Variants in SCYL2 observed in about 807,000 individuals in gnomAD.
The protein encoded by SCYL2 is SCY1 like pseudokinase 2.
Under a neutral mutation model 100.4 loss-of-function variants are expected in SCYL2, and 36 were observed. That is an observed-to-expected ratio of 0.36 (90% CI 0.27 to 0.47). The LOEUF is 0.47. Ranked by LOEUF, SCYL2 falls within the 20% of genes least tolerant of loss-of-function variation. The pLI, the probability that SCYL2 is intolerant of heterozygous loss-of-function variation, is 1.00. For synonymous variants in SCYL2, 330 were observed against 359.2 expected (o/e 0.92, Z 0.92); for missense variants, 902 against 1,083.9 (o/e 0.83, Z 2.36).
Position 100,312,573 on chromosome 12 carries a change from G to A in SCYL2, c.772G>A (p.Ala258Thr). ...GTATTCTTTAGGAACTGTTATGTAT[G>A]CTGTATTTAATAAAGGGAAACCTAT... The part of the protein sequence containing the change: ...DMYSLGTVMY[A>T]VFNKGKPIFE... Residue 258 changes from alanine (A) to threonine (T), a missense_variant, in exon 6 of 18, where the codon GCT becomes ACT. Transcript: ENST00000360820. 3.1e-6 allele frequency: 5 copies of A among 1,612,840 alleles called. No individual in the cohort carries two copies. The highest frequency in any genetic ancestry group is 4.2e-6 in the Non-Finnish European group (5 of 1,179,020).
At chr12:100,325,421 C>G (rs1474398322) in intron 11 of SCYL2, among the ~76,000 whole-genome samples, 1 of 152,160 alleles carries the variant, frequency 6.6e-6, no homozygotes, top group Admixed American at 6.5e-5. Flanking sequence ...AGAACAGTAA[C>G]TAGGAATGGA....
chr12:100,295,751 G>C (rs898336183), intron 3 of SCYL2, among the ~76,000 whole-genome samples: 2 of 151,116 alleles, frequency 1.3e-5, no homozygotes, highest in Non-Finnish European at 1.5e-5. Context: ...ATGGGGAGAC[G>C]GGGGAGACCG....
intron 3 of SCYL2, among the ~76,000 whole-genome samples, chr12:100,294,425 C>CG (rs2096315190): frequency 2.0e-5 from 2 of 101,676 alleles, no homozygotes; most frequent in African/African-American, 3.9e-5. Flanking sequence ...GCTGGCCGGG[C>CG]GGGGGGGCTC....
chr12:100,312,704 C>T, intron 6 of SCYL2, 51 bp downstream of exon 6: 2 of 1,365,466 alleles, frequency 1.5e-6, no homozygotes, highest in Non-Finnish European at 2.0e-6. Flanking sequence ...TTAAATGTGT[C>T]TTTGATTTTT....
intron 1 of SCYL2, among the ~76,000 whole-genome samples, chr12:100,270,056 G>T (rs1465377567): frequency 6.6e-6 from 1 of 150,648 alleles, no homozygotes; most frequent in African/African-American, 2.4e-5. Flanking sequence ...GCGCGATCTC[G>T]GCTCACTGCA....
At chr12:100,271,281 A>AAG (rs1555315695) in intron 1 of SCYL2, among the ~76,000 whole-genome samples, 1,418 of 128,736 alleles carry the variant, frequency 0.011, 117 homozygotes, top group East Asian at 0.038. Flanking sequence ...AAAAAAAAAA[A>AAG]AGAGAGAGAG....
At chr12:100,281,576 G>A (rs2096298417) in intron 1 of SCYL2, among the ~76,000 whole-genome samples, 1 of 152,126 alleles carries the variant, frequency 6.6e-6, no homozygotes, top group South Asian at 2.1e-4. Flanking sequence ...GCTCACGCCT[G>A]TAATCCCAGC....
chr12:100,319,070 G>A (rs2096352701), intron 10 of SCYL2, among the ~76,000 whole-genome samples: 1 of 152,108 alleles, frequency 6.6e-6, no homozygotes, highest in Admixed American at 6.6e-5. Flanking sequence ...TAATAAAATA[G>A]GATTTTTTTA....
chr12:100,315,419 G>A (rs1320982128), intron 8 of SCYL2, 139 bp from the exon 9 acceptor site: 3 of 643,648 alleles, frequency 4.7e-6, no homozygotes, highest in African/African-American at 1.9e-5. Flanking sequence ...ACTTTACTCT[G>A]AAAATATACC....
chr12:100,294,616 A>G (rs1416188562), intron 3 of SCYL2, among the ~76,000 whole-genome samples: 2 of 122,848 alleles, frequency 1.6e-5, no homozygotes, highest in Admixed American at 7.9e-5. Flanking sequence ...GGCCGGGCAG[A>G]GGGGCTCCTC....
intron 4 of SCYL2, among the ~76,000 whole-genome samples, chr12:100,305,452 C>T (rs1446633120): frequency 6.6e-6 from 1 of 152,136 alleles, no homozygotes; most frequent in Non-Finnish European, 1.5e-5. Flanking sequence ...TTCTTTGAAA[C>T]TAATGAGAAC....
chr12:100,327,282 A>G (rs1381529159), intron 12 of SCYL2: 3 of 243,938 alleles, frequency 1.2e-5, no homozygotes, highest in Non-Finnish European at 8.7e-6. Flanking sequence ...CTTAATTAGT[A>G]TATTTTGTGG....
At chr12:100,294,414 G>T (rs1462472031) in intron 3 of SCYL2, among the ~76,000 whole-genome samples, 1 of 107,404 alleles carries the variant, frequency 9.3e-6, no homozygotes, top group African/African-American at 3.7e-5. Context: ...CGGACGGGGC[G>T]GCTGGCCGGG....
At chr12:100,331,119 C>T (rs1592969902) in intron 13 of SCYL2, among the ~76,000 whole-genome samples, 1 of 152,122 alleles carries the variant, frequency 6.6e-6, no homozygotes, top group Admixed American at 6.5e-5. Context: ...AGCCACCATG[C>T]CTGGCCCCCT....
intron 3 of SCYL2, among the ~76,000 whole-genome samples, chr12:100,296,195 T>C (rs1430759825): frequency 6.6e-6 from 1 of 152,164 alleles, no homozygotes; most frequent in East Asian, 1.9e-4. Context: ...AATTGTTAGG[T>C]TGTAAAAATT....
At chr12:100,317,372 C>T (rs1029430757) in intron 9 of SCYL2, among the ~76,000 whole-genome samples, 1 of 152,184 alleles carries the variant, frequency 6.6e-6, no homozygotes, top group Non-Finnish European at 1.5e-5. Context: ...CAGGTGTGTG[C>T]CACTGCACCT....
chr12:100,279,269 G>A (rs1323654460), intron 1 of SCYL2, among the ~76,000 whole-genome samples: 2 of 152,216 alleles, frequency 1.3e-5, no homozygotes, highest in Non-Finnish European at 2.9e-5. Context: ...TGCATGTGCA[G>A]TTCACAGTAG....
chr12:100,328,243 A>G (rs535093846), intron 12 of SCYL2, among the ~76,000 whole-genome samples: 1 of 152,208 alleles, frequency 6.6e-6, no homozygotes, highest in African/African-American at 2.4e-5. Flanking sequence ...GTGTCACTGC[A>G]TTCCAGCATG....
At chr12:100,288,674 A>G (rs952932139) in intron 2 of SCYL2, among the ~76,000 whole-genome samples, 1 of 151,856 alleles carries the variant, frequency 6.6e-6, no homozygotes, top group Non-Finnish European at 1.5e-5. Flanking sequence ...CGTCTCTACA[A>G]AAAAATTAAA....
Sources: gnomAD v4.1 joint callset for allele counts (sites outside exome capture counted in the v4.1 genomes callset) on GRCh38, gnomAD v4.1.1 for gene constraint, MANE v1.5 for transcripts, NCBI Gene and HGNC (gene_info 2026-07-23, HGNC 2026-07-21) for gene names.